The following ROR2 variants were observed in gnomAD, a reference collection of about 807,000 sequenced individuals.
ROR2 encodes ROR family WNT receptor 2, also known as tyrosine-protein kinase transmembrane receptor ROR2.
Under a neutral mutation model 74.9 loss-of-function variants are expected in ROR2, and 33 were observed. The observed-to-expected ratio is 0.44, with a 90% CI of 0.33 to 0.59. The LOEUF is 0.59. Ranked by LOEUF, ROR2 falls within the 20% of genes least tolerant of loss-of-function variation. The pLI is 0.02. For synonymous variants in ROR2, 586 were observed against 558.7 expected (o/e 1.05, Z -0.69); for missense variants, 1,216 against 1,313.8 (o/e 0.93, Z 1.15).
chr9:91,907,762 A>T lies in ROR2; in HGVS notation c.97+42105T>A, dbSNP rs535554166. On this transcript the variant is annotated intron_variant, in intron 1 of 8. Transcript: ENST00000375708. ...AGGATACCTCATACTTAACAGGAGC[A>T]TTTCTCTTCCCAGTGGACCCAAGAA... Among the ~76,000 whole-genome samples the T allele has an allele frequency of 2.0e-5, 3 of 152,276 alleles. No homozygotes were observed. In the South Asian group the frequency reaches 6.2e-4, roughly 32 times the overall value.
At chr9:91,913,962 C>A (rs544396701) in intron 1 of ROR2, among the ~76,000 whole-genome samples, 116 of 152,174 alleles carry the variant, frequency 7.6e-4, no homozygotes, top group African/African-American at 2.6e-3. Flanking sequence ...TGGTCAATTG[C>A]ATGAATATTA....
At chr9:91,755,894 T>C (rs1011832252) in intron 4 of ROR2, 177 bp downstream of exon 4, 2 of 677,846 alleles carry the variant, frequency 3.0e-6, no homozygotes, top group Non-Finnish European at 5.3e-6. Context: ...ACAAGAAACA[T>C]GAAAAATGTA....
intron 1 of ROR2, among the ~76,000 whole-genome samples, chr9:91,917,628 C>T (rs927602642): frequency 2.6e-5 from 4 of 152,250 alleles, no homozygotes; most frequent in Admixed American, 2.6e-4. Flanking sequence ...ACAGATCCCA[C>T]TTCTGCAGGC....
intron 1 of ROR2, among the ~76,000 whole-genome samples, chr9:91,884,502 G>A (rs1236301826): frequency 1.3e-5 from 2 of 151,474 alleles, no homozygotes; most frequent in Non-Finnish European, 2.9e-5. Flanking sequence ...GCTTGCGGGG[G>A]GCCTTCTAGG....
At chr9:91,914,442 A>G (rs1328906683) in intron 1 of ROR2, among the ~76,000 whole-genome samples, 1 of 152,194 alleles carries the variant, frequency 6.6e-6, no homozygotes, top group Non-Finnish European at 1.5e-5. Context: ...CCATAAAGGA[A>G]TCTTCCCTTA....
At chr9:91,740,236 G>A (rs1724449741) in intron 4 of ROR2, among the ~76,000 whole-genome samples, 1 of 152,126 alleles carries the variant, frequency 6.6e-6, no homozygotes, top group African/African-American at 2.4e-5. Flanking sequence ...CCTCACCGAA[G>A]CGGGCTTTCA....
chr9:91,853,843 G>C (rs935618991), intron 1 of ROR2, among the ~76,000 whole-genome samples: 5 of 152,230 alleles, frequency 3.3e-5, no homozygotes, highest in African/African-American at 1.2e-4. Flanking sequence ...ATGGCAGAGA[G>C]ACATGAAATC....
chr9:91,802,367 C>T (rs1009121012), intron 1 of ROR2, among the ~76,000 whole-genome samples: 4 of 152,136 alleles, frequency 2.6e-5, no homozygotes, highest in Non-Finnish European at 5.9e-5. Context: ...TGAGCCACCG[C>T]GCCTGGCCAA....
chr9:91,950,057 CCTT>C lies in ROR2; in HGVS notation c.-97_-95del. On this transcript the variant is annotated 5_prime_UTR_variant, in exon 1 of 9. Coordinates refer to ENST00000375708, the MANE Select transcript of ROR2 (RefSeq NM_004560.4). ...CCCTTTCTACGATGCGTCCGCTCCT[CCTT>C]CTCCCTGGCGCTTCGCAAACGGGTC... 1.8e-6 allele frequency: 1 copy of C among 553,420 alleles called. No homozygotes were observed. Among genetic ancestry groups the C allele is most frequent in the Non-Finnish European group, 2.9e-6 (1 of 343,936 alleles). 34.3% of individuals were successfully genotyped at this position (553,420 alleles called of 1,614,324 possible).
chr9:91,782,221 A>G (rs1826642649), intron 1 of ROR2, among the ~76,000 whole-genome samples: 2 of 152,240 alleles, frequency 1.3e-5, no homozygotes, highest in Non-Finnish European at 2.9e-5. Flanking sequence ...TTCTGCACCA[A>G]AACCAGCAGA....
chr9:91,807,093 C>G (rs188951546), intron 1 of ROR2, among the ~76,000 whole-genome samples: 1 of 152,282 alleles, frequency 6.6e-6, no homozygotes, highest in Admixed American at 6.5e-5. Flanking sequence ...CCCTGGAAGG[C>G]TATGTAGAGA....
intron 1 of ROR2, among the ~76,000 whole-genome samples, chr9:91,913,986 T>C (rs750579503): frequency 2.0e-5 from 3 of 152,064 alleles, no homozygotes; most frequent in Non-Finnish European, 4.4e-5. Flanking sequence ...TTTTTAATGT[T>C]AAAAAAGACT....
intron 3 of ROR2, 91 bp downstream of exon 3, chr9:91,757,181 G>A: frequency 1.3e-6 from 2 of 1,515,496 alleles, no homozygotes; most frequent in Admixed American, 1.7e-5. Context: ...TGACTGGTGT[G>A]TGTTCAGTTT....
chr9:91,888,568 G>A (rs1830347098), intron 1 of ROR2, among the ~76,000 whole-genome samples: 1 of 152,118 alleles, frequency 6.6e-6, no homozygotes, highest in South Asian at 2.1e-4. Flanking sequence ...AACAAGTGAA[G>A]CCAGGCTGGG....
chr9:91,782,826 CAG>C (rs1056153901), intron 1 of ROR2, among the ~76,000 whole-genome samples: 6 of 152,194 alleles, frequency 3.9e-5, no homozygotes, highest in Non-Finnish European at 8.8e-5. Flanking sequence ...GAATTTGCTT[CAG>C]AGTCTTGGAA....
chr9:91,819,928 CTG>C (rs1356185567), intron 1 of ROR2, among the ~76,000 whole-genome samples: 2 of 151,496 alleles, frequency 1.3e-5, no homozygotes, highest in Non-Finnish European at 2.9e-5. Context: ...GAGTATGTGT[CTG>C]TGTGTGTGCC....
At chr9:91,942,874 G>A (rs1402189696) in intron 1 of ROR2, among the ~76,000 whole-genome samples, 5 of 152,142 alleles carry the variant, frequency 3.3e-5, no homozygotes, top group African/African-American at 4.8e-5. Context: ...TGGCCCTGCC[G>A]CCACCTTGAT....
At chr9:91,744,556 T>G (rs1360388767) in intron 4 of ROR2, among the ~76,000 whole-genome samples, 1 of 152,096 alleles carries the variant, frequency 6.6e-6, no homozygotes, top group African/African-American at 2.4e-5. Context: ...AATGAATGAT[T>G]TCCTTGAGAA....
At chr9:91,806,021 A>G (rs1563971763) in intron 1 of ROR2, among the ~76,000 whole-genome samples, 1 of 152,210 alleles carries the variant, frequency 6.6e-6, no homozygotes, top group Non-Finnish European at 1.5e-5. Context: ...TAATTTGATG[A>G]TGAAAAAGTA....
Sources: gnomAD v4.1 joint callset for allele counts (sites outside exome capture counted in the v4.1 genomes callset) on GRCh38, gnomAD v4.1.1 for gene constraint, MANE v1.5 for transcripts, NCBI Gene and HGNC (gene_info 2026-07-23, HGNC 2026-07-21) for gene names.